PCDH15: variants seen among roughly 807,000 people sequenced by gnomAD.
PCDH15 encodes the protein protocadherin-15.
Under a neutral mutation model 178.5 loss-of-function variants are expected in PCDH15, and 129 were observed. The observed-to-expected ratio is 0.72, with a 90% confidence interval of 0.63 to 0.84. The LOEUF is 0.84. Ranked by LOEUF, PCDH15 falls within the 40% of genes least tolerant of loss-of-function variation. The pLI, the probability that PCDH15 is intolerant of heterozygous loss-of-function variation, is 0.00. For missense variants in PCDH15, 2,230 were observed against 2,099.9 expected, an observed-to-expected ratio of 1.06 and a Z score of -1.21; for synonymous variants, 800 against 732.0, an observed-to-expected ratio of 1.09 and a Z score of -1.50.
intron 21 of PCDH15, among the ~76,000 whole-genome samples, chr10:53,968,636 G>A (rs2089314470): frequency 1.3e-5 from 2 of 152,110 alleles, no homozygotes; most frequent in African/African-American, 2.4e-5. Context: ...ATAGCCGGAC[G>A]CCACTCTGAG....
rs545489458 is a variant in PCDH15, at chr10:54,585,642, G to C, written c.92-57765C>G. Reference sequence around the variant, plus strand: ...TTTTTTTTTTTTAATTTAAGACTTGGTGGGGGAGGCGGTGAGGACTGTGCA... The same window carrying C: ...TTTTTTTTTTTTAATTTAAGACTTGCTGGGGGAGGCGGTGAGGACTGTGCA... On this transcript the variant is annotated intron_variant, in intron 2 of 37. Coordinates refer to ENST00000644397, the MANE Select transcript of PCDH15 (RefSeq NM_001384140.1). The C allele has an allele frequency of 9.8e-5, 16 of 163,440 alleles. No individual in the cohort carries two copies. The South Asian group carries it at 2.0e-3, about 20-fold the overall frequency. The allele number at this position is 163,440 out of a possible 1,614,324, so 10.1% of individuals were successfully genotyped here.
At chr10:53,925,089 C>G (rs1589446895) in intron 25 of PCDH15, among the ~76,000 whole-genome samples, 1 of 152,186 alleles carries the variant, frequency 6.6e-6, no homozygotes, top group Non-Finnish European at 1.5e-5. Context: ...ACTGCCCCAG[C>G]TAGCTGTGGC....
At chr10:54,090,116 C>T in intron 15 of PCDH15, 53 bp from the exon 16 acceptor site, 1 of 1,314,372 alleles carries the variant, frequency 7.6e-7, no homozygotes, top group East Asian at 2.3e-5. Context: ...GGCGCCCACT[C>T]ATTACAGAGT....
intron 2 of PCDH15, among the ~76,000 whole-genome samples, chr10:55,540,165 T>A (rs1589123875): frequency 6.6e-6 from 1 of 152,242 alleles, no homozygotes; most frequent in East Asian, 1.9e-4. Context: ...AGTCCATTTG[T>A]GTGAGTAGAC....
intron 2 of PCDH15, among the ~76,000 whole-genome samples, chr10:55,022,711 CTTTTTT>C (rs201891944): frequency 2.6e-5 from 3 of 113,844 alleles, no homozygotes; most frequent in Admixed American, 9.3e-5. Context: ...TTTTCTTTTT[CTTTTTT>C]TTTTTTTTTT....
intron 21 of PCDH15, among the ~76,000 whole-genome samples, chr10:53,992,311 C>T (rs891097927): frequency 1.3e-5 from 2 of 152,192 alleles, no homozygotes; most frequent in Non-Finnish European, 2.9e-5. Flanking sequence ...TCTTTAAGAA[C>T]TGTAACACTC....
chr10:54,087,228 G>T (rs755755331), intron 16 of PCDH15, among the ~76,000 whole-genome samples: 3 of 151,944 alleles, frequency 2.0e-5, no homozygotes, highest in Admixed American at 6.6e-5. Context: ...TAGCATAATC[G>T]CAGAGTTGTT....
intron 32 of PCDH15, chr10:53,823,095 T>C (rs1396770920): frequency 1.2e-6 from 2 of 1,614,038 alleles, no homozygotes; most frequent in South Asian, 1.1e-5. Context: ...ATCTGTTCTC[T>C]GTGAAATGTC....
At chr10:55,291,691 G>A (rs1169007785) in intron 1 of PCDH15, among the ~76,000 whole-genome samples, 6 of 152,116 alleles carry the variant, frequency 3.9e-5, no homozygotes, top group African/African-American at 1.4e-4. Flanking sequence ...AAGAACATAA[G>A]CTTGTTGTAT....
At chr10:54,320,085 G>T (rs192958840) in intron 7 of PCDH15, among the ~76,000 whole-genome samples, 2 of 151,924 alleles carry the variant, frequency 1.3e-5, no homozygotes, top group Non-Finnish European at 2.9e-5. Context: ...ATCCCTAGAG[G>T]CACTATAAAG....
intron 1 of PCDH15, among the ~76,000 whole-genome samples, chr10:55,213,100 T>C (rs1267222538): frequency 6.6e-6 from 1 of 152,160 alleles, no homozygotes; most frequent in African/African-American, 2.4e-5. Flanking sequence ...TTTACTGAAC[T>C]GTGAGTCGCA....
intron 2 of PCDH15, chr10:54,606,539 G>C (rs1211584983): frequency 6.6e-6 from 1 of 152,026 alleles, no homozygotes; most frequent in East Asian, 1.9e-4. Context: ...AAGAGAGAAG[G>C]AAACTAAATA....
rs528078152 is a variant in PCDH15 at position 54,660,775 on chromosome 10, T to C, written c.91+3397A>G. 3.9e-5 allele frequency among the ~76,000 whole-genome samples: 6 copies of C among 152,236 alleles called. No homozygotes were observed. In the South Asian group the frequency reaches 1.2e-3, roughly 32 times the overall value. ...AGATAATTTGTCACAGTCAAGTGGATTTTATTCCAGGGATGCACAAATAGT... is the reference window on the plus strand; with the variant it reads ...AGATAATTTGTCACAGTCAAGTGGACTTTATTCCAGGGATGCACAAATAGT... On this transcript the variant is annotated intron_variant, in intron 2 of 37. Coordinates refer to ENST00000644397, the MANE Select transcript of PCDH15 (RefSeq NM_001384140.1).
chr10:54,623,365 T>G (rs917766578), intron 2 of PCDH15, among the ~76,000 whole-genome samples: 3 of 152,130 alleles, frequency 2.0e-5, no homozygotes, highest in African/African-American at 7.2e-5. Context: ...TTTTATATAT[T>G]TTATAAGTAC....
At chr10:54,961,480 C>A (rs1001758869) in intron 2 of PCDH15, among the ~76,000 whole-genome samples, 5 of 152,332 alleles carry the variant, frequency 3.3e-5, no homozygotes, top group African/African-American at 1.2e-4. Flanking sequence ...TGGCTTGAGG[C>A]CTAGGGGCTA....
intron 1 of PCDH15, among the ~76,000 whole-genome samples, chr10:55,196,430 T>C (rs1326176919): frequency 6.6e-6 from 1 of 152,138 alleles, no homozygotes; most frequent in Non-Finnish European, 1.5e-5. Flanking sequence ...ATTATCTCTT[T>C]CAATAGAGCT....
chr10:55,243,808 C>A (rs1841616631), intron 1 of PCDH15, among the ~76,000 whole-genome samples: 1 of 152,060 alleles, frequency 6.6e-6, no homozygotes, highest in African/African-American at 2.4e-5. Context: ...GAACATTGGG[C>A]ATGAAGTACC....
At chr10:54,291,453 G>T (rs1261255195) in intron 8 of PCDH15, among the ~76,000 whole-genome samples, 1 of 152,096 alleles carries the variant, frequency 6.6e-6, no homozygotes. Context: ...GCTAGCAGAA[G>T]GCAAGAAATA....
intron 3 of PCDH15, among the ~76,000 whole-genome samples, chr10:54,404,985 A>T (rs552304327): frequency 9.9e-5 from 15 of 151,992 alleles, no homozygotes; most frequent in Admixed American, 7.2e-4. Context: ...TATTACAATT[A>T]AAAAAGTCAA....
Sources: allele counts gnomAD v4.1 joint callset (sites outside exome capture counted in the v4.1 genomes callset), GRCh38; gene constraint gnomAD v4.1.1; transcripts MANE v1.5; gene names NCBI Gene and HGNC (gene_info 2026-07-23, HGNC 2026-07-21).